CNOT6L: variants seen among roughly 807,000 people sequenced by gnomAD.
CNOT6L encodes CCR4-NOT transcription complex subunit 6 like, also known as CCR4-NOT transcription complex subunit 6-like.
Under a neutral mutation model 64.0 loss-of-function variants are expected in CNOT6L, and 7 were observed. The observed-to-expected ratio is 0.11, with a 90% CI of 0.06 to 0.21. CNOT6L has a LOEUF of 0.21. Ranked by LOEUF, CNOT6L falls within the 10% of genes least tolerant of loss-of-function variation. CNOT6L has a pLI of 1.00. For missense variants in CNOT6L, 245 were observed against 669.0 expected, an observed-to-expected ratio of 0.37 and a Z score of 6.99; for synonymous variants, 193 against 243.4, an observed-to-expected ratio of 0.79 and a Z score of 1.93.
chr4:77,777,824 TCATGTAATAAGAAATCA>T (rs1332318037), intron 1 of CNOT6L, among the ~76,000 whole-genome samples: 1 of 152,176 alleles, frequency 6.6e-6, no homozygotes, highest in Non-Finnish European at 1.5e-5. Flanking sequence ...AGATATTCTA[TCATGTAATAAGAAATCA>T]AAAAGCTAGT....
intron 11 of CNOT6L, 44 bp from the exon 12 acceptor site, chr4:77,720,687 A>T (rs749416055): frequency 6.3e-7 from 1 of 1,597,834 alleles, no homozygotes; most frequent in South Asian, 1.1e-5. Flanking sequence ...AATTCAAGAT[A>T]TATAAAGAAC....
chr4:77,774,245 TC>T (rs1222517362), intron 3 of CNOT6L, among the ~76,000 whole-genome samples: 1 of 152,198 alleles, frequency 6.6e-6, no homozygotes, highest in Non-Finnish European at 1.5e-5. Context: ...TTCAAGTACT[TC>T]TAATCAGTCT....
chr4:77,810,247 CAATT>C (rs1314129179), intron 1 of CNOT6L, among the ~76,000 whole-genome samples: 1 of 151,992 alleles, frequency 6.6e-6, no homozygotes, highest in Non-Finnish European at 1.5e-5. Flanking sequence ...CATGGGAACA[CAATT>C]AAAATTTCAA....
chr4:77,741,184 A>C (rs1723546779), intron 8 of CNOT6L, among the ~76,000 whole-genome samples: 1 of 152,242 alleles, frequency 6.6e-6, no homozygotes, highest in African/African-American at 2.4e-5. Flanking sequence ...CAAAATAAGA[A>C]TATCTCTACT....
At chr4:77,745,198 A>T (rs1724055600) in intron 6 of CNOT6L, among the ~76,000 whole-genome samples, 2 of 152,202 alleles carry the variant, frequency 1.3e-5, no homozygotes, top group African/African-American at 2.4e-5. Flanking sequence ...AAATGAGTGG[A>T]ACAAAAGTAA....
In CNOT6L at chr4:77,720,583, G is replaced by A; in HGVS notation, c.1516C>T (p.Pro506Ser). The A allele has an allele frequency of 6.2e-7, 1 of 1,613,388 alleles. No homozygotes were observed. Among genetic ancestry groups the A allele is most frequent in the Non-Finnish European group, 8.5e-7 (1 of 1,179,466 alleles). Residue 506 changes from proline (P) to serine (S), a missense_variant, in exon 12 of 12, where the codon CCT becomes TCT. Physicochemically the swap from Pro to Ser is moderately conservative, Grantham distance 74. Transcript: ENST00000504123. ...THMNVLGVLG[P>S]LDPQWLVENN... is the part of the protein sequence containing the mutation. ...TCAACCAGCCATTGAGGATCTAAAG[G>A]CCCCAGGACACCAAGCACGTTCATA...
chr4:77,772,838 G>A (rs1485798507), intron 4 of CNOT6L, among the ~76,000 whole-genome samples: 2 of 152,256 alleles, frequency 1.3e-5, no homozygotes, highest in East Asian at 1.9e-4. Context: ...CAAGAGAATG[G>A]CATGAAGCCA....
intron 1 of CNOT6L, among the ~76,000 whole-genome samples, chr4:77,794,916 G>A (rs1730636728): frequency 6.6e-6 from 1 of 151,136 alleles, no homozygotes; most frequent in Non-Finnish European, 1.5e-5. Flanking sequence ...TTAATGAATA[G>A]ATTTAACAGG....
At chr4:77,813,434 C>CT (rs1733189641) in intron 1 of CNOT6L, among the ~76,000 whole-genome samples, 1 of 152,046 alleles carries the variant, frequency 6.6e-6, no homozygotes, top group African/African-American at 2.4e-5. Context: ...CTTCATCAAG[C>CT]TAAAAACGTT....
intron 10 of CNOT6L, among the ~76,000 whole-genome samples, chr4:77,728,050 T>C (rs1194310231): frequency 1.3e-5 from 2 of 152,216 alleles, no homozygotes; most frequent in Admixed American, 6.5e-5. Context: ...AATAGTCTAA[T>C]GTTTTCCATT....
intron 5 of CNOT6L, among the ~76,000 whole-genome samples, chr4:77,753,866 A>G (rs1725146631): frequency 2.7e-5 from 4 of 150,918 alleles, no homozygotes; most frequent in African/African-American, 9.7e-5. Flanking sequence ...CTTAATAAAG[A>G]AAAGCATCTG....
At chr4:77,732,388 C>T (rs1281586216) in intron 8 of CNOT6L, among the ~76,000 whole-genome samples, 2 of 152,046 alleles carry the variant, frequency 1.3e-5, no homozygotes, top group African/African-American at 4.8e-5. Flanking sequence ...TATAAGTAAT[C>T]AAAACCTACT....
In CNOT6L at chr4:77,774,557, G is replaced by C. The variant is rs748641836; in HGVS notation, c.287C>G (p.Ala96Gly). 6.2e-7 allele frequency: 1 copy of C among 1,611,792 alleles called. No individual in the cohort carries two copies. The change falls in exon 3 of 12, where the codon GCA becomes GGA. Residue 96 changes from alanine to glycine, a missense_variant. Ala to Gly is a moderately conservative substitution (Grantham distance 60). Around this residue, in one of 10 missense-constraint regions of CNOT6L, gnomAD observed 78 missense variants for 137.6 expected, o/e 0.57. Coordinates refer to ENST00000504123, the MANE Select transcript of CNOT6L (RefSeq NM_144571.3). ...GAGAGACACCATGTTTCCTAGTTCT[G>C]CTGGTAAACTTCTGAGTTTATTGGA... ...LSSNKLRSLP[A>G]ELGNMVSLRE...
At chr4:77,788,742 AAATAAT>A (rs969729820) in intron 1 of CNOT6L, among the ~76,000 whole-genome samples, 2 of 151,910 alleles carry the variant, frequency 1.3e-5, no homozygotes, top group Non-Finnish European at 2.9e-5. Flanking sequence ...AAGTAATAAT[AAATAAT>A]AATAATAATA....
intron 1 of CNOT6L, among the ~76,000 whole-genome samples, chr4:77,813,877 C>T (rs74753014): frequency 7.4e-4 from 113 of 152,234 alleles, no homozygotes; most frequent in African/African-American, 2.6e-3. Flanking sequence ...GGTATATGTT[C>T]CAGCAATTCC....
chr4:77,714,812 G>A lies in CNOT6L; in HGVS notation c.*5619C>T, dbSNP rs551631982. On this transcript the variant is annotated 3_prime_UTR_variant, in exon 12 of 12. Coordinates refer to ENST00000504123, the MANE Select transcript of CNOT6L (RefSeq NM_144571.3). ...TTTTAGCAAGTTAAGCACAGAGAAA[G>A]GACAGTACAGTTTCTAAGTAAATAC... 682 of 152,660 alleles carry A rather than the reference G, an allele frequency of 4.5e-3. 9 individuals carry two copies. The highest frequency in any genetic ancestry group is 3.8e-3 in the Non-Finnish European group (257 of 68,012). The allele number at this position is 152,660 out of a possible 1,614,324, so 9.5% of individuals were successfully genotyped here.
chr4:77,796,564 T>C (rs1398114354), intron 1 of CNOT6L, among the ~76,000 whole-genome samples: 3 of 152,152 alleles, frequency 2.0e-5, no homozygotes, highest in Non-Finnish European at 4.4e-5. Flanking sequence ...GTCATGCTTC[T>C]TGCCTGCGAA....
At chr4:77,732,517 T>C (rs75532984) in intron 8 of CNOT6L, among the ~76,000 whole-genome samples, 9,727 of 152,072 alleles carry the variant, frequency 0.064, 467 homozygotes, top group African/African-American at 0.13. Context: ...TTCAAAAATA[T>C]TGACTTACTA....
Position 77,713,896 on chromosome 4 carries a change from C to T in CNOT6L, c.*6535G>A, listed in dbSNP as rs956329449. On this transcript the variant is annotated 3_prime_UTR_variant, in exon 12 of 12. Transcript: ENST00000504123. ...GAACCAGTCTATTAAACATTAAACACTAGCAAGCTACAATTACATGGCACT... is the reference window on the plus strand; with the variant it reads ...GAACCAGTCTATTAAACATTAAACATTAGCAAGCTACAATTACATGGCACT... The T allele has an allele frequency of 6.6e-6, 1 of 152,472 alleles. No individual in the cohort carries two copies. The highest frequency in any genetic ancestry group is 1.5e-5 in the Non-Finnish European group (1 of 68,016). 9.4% of individuals were successfully genotyped at this position (152,472 alleles called of 1,614,324 possible). A position where few individuals can be genotyped will look rare whatever the true frequency, so the allele number is the denominator to read the frequency against.
Sources: allele counts gnomAD v4.1 joint callset (sites outside exome capture counted in the v4.1 genomes callset), GRCh38; gene constraint gnomAD v4.1.1; regional missense constraint gnomAD v4.1.1; transcripts MANE v1.5; gene names NCBI Gene and HGNC (gene_info 2026-07-23, HGNC 2026-07-21).